The following NALF1 variants were observed in gnomAD, a reference collection of about 807,000 sequenced individuals.
NALF1 encodes NALCN channel auxiliary factor 1.
In NALF1, 3 loss-of-function variants were observed where a neutral mutation model predicts 48.4. The observed-to-expected ratio is 0.06, with a 90% CI of 0.03 to 0.16. The LOEUF (loss-of-function observed/expected upper bound fraction) is 0.16. NALF1 is among the 10% of genes least tolerant of loss of function. NALF1 has a pLI of 1.00. For synonymous variants in NALF1, 262 were observed against 245.7 expected (o/e 1.07, Z -0.62); for missense variants, 526 against 571.5 (o/e 0.92, Z 0.81).
chr13:107,239,407 G>A (rs879516214), intron 1 of NALF1, among the ~76,000 whole-genome samples: 7 of 152,086 alleles, frequency 4.6e-5, no homozygotes, highest in Admixed American at 3.9e-4. Context: ...TCTCCTATAC[G>A]TTTGTGTCCT....
intron 1 of NALF1, among the ~76,000 whole-genome samples, chr13:107,835,890 C>T (rs1879874325): frequency 6.6e-6 from 1 of 152,120 alleles, no homozygotes; most frequent in Non-Finnish European, 1.5e-5. Context: ...AATACATTCC[C>T]CACAGTCTAG....
chr13:107,859,518 T>G (rs970662401), intron 1 of NALF1, among the ~76,000 whole-genome samples: 1 of 152,184 alleles, frequency 6.6e-6, no homozygotes, highest in African/African-American at 2.4e-5. Context: ...ATTAAATATT[T>G]TCATGCATTC....
chr13:107,573,595 G>C (rs1011408596), intron 1 of NALF1, among the ~76,000 whole-genome samples: 1 of 152,130 alleles, frequency 6.6e-6, no homozygotes, highest in Non-Finnish European at 1.5e-5. Flanking sequence ...CTCAGAGAAG[G>C]TTTAGCTACT....
At chr13:107,863,200 A>G (rs1880624073) in intron 1 of NALF1, among the ~76,000 whole-genome samples, 1 of 152,122 alleles carries the variant, frequency 6.6e-6, no homozygotes, top group African/African-American at 2.4e-5. Flanking sequence ...TTTCATAGGC[A>G]TAAGTCCATC....
intron 1 of NALF1, among the ~76,000 whole-genome samples, chr13:107,737,775 C>T (rs541573894): frequency 6.6e-6 from 1 of 152,240 alleles, no homozygotes; most frequent in Admixed American, 6.5e-5. Context: ...TGAAAAATGA[C>T]CCATTGTATT....
chr13:107,403,284 C>A (rs1883844328), intron 1 of NALF1, among the ~76,000 whole-genome samples: 1 of 128,764 alleles, frequency 7.8e-6, no homozygotes, highest in Non-Finnish European at 1.6e-5. Flanking sequence ...ACTCAAAATA[C>A]AATTTCTAGT....
chr13:107,708,473 T>A (rs1307391292), intron 1 of NALF1, among the ~76,000 whole-genome samples: 2 of 150,068 alleles, frequency 1.3e-5, no homozygotes, highest in African/African-American at 4.9e-5. Flanking sequence ...ATCTTAAATA[T>A]CTGGGGTAGG....
At chr13:107,433,112 A>T (rs1884409761) in intron 1 of NALF1, among the ~76,000 whole-genome samples, 1 of 152,208 alleles carries the variant, frequency 6.6e-6, no homozygotes, top group Admixed American at 6.5e-5. Flanking sequence ...TTTTGTCACA[A>T]CTAGACTACC....
chr13:107,675,930 G>A (rs531109488), intron 1 of NALF1, among the ~76,000 whole-genome samples: 151 of 152,170 alleles, frequency 9.9e-4, no homozygotes, highest in Non-Finnish European at 3.1e-4. Context: ...TCAGAGTGAG[G>A]AGCCACTTGC....
intron 1 of NALF1, among the ~76,000 whole-genome samples, chr13:107,455,690 G>A (rs1884812638): frequency 6.6e-6 from 1 of 152,068 alleles, no homozygotes; most frequent in South Asian, 2.1e-4. Flanking sequence ...TTCTCCACCT[G>A]TTTATCCTCC....
chr13:107,530,114 C>A (rs777033502), intron 1 of NALF1, among the ~76,000 whole-genome samples: 27 of 152,030 alleles, frequency 1.8e-4, no homozygotes, highest in Non-Finnish European at 3.1e-4. Flanking sequence ...CCCACCTGGG[C>A]ACCTTTACCT....
At chr13:107,449,621 A>G (rs1439440622) in intron 1 of NALF1, among the ~76,000 whole-genome samples, 7 of 152,166 alleles carry the variant, frequency 4.6e-5, no homozygotes, top group African/African-American at 1.7e-4. Context: ...TATTGTGAAG[A>G]TCTTGGGGAA....
chr13:107,209,644 G>A (rs925448226), intron 2 of NALF1, among the ~76,000 whole-genome samples: 3 of 152,204 alleles, frequency 2.0e-5, no homozygotes, highest in African/African-American at 7.2e-5. Context: ...AAATTCTCAT[G>A]TTGAGCATCT....
chr13:107,365,771 T>C (rs16952144), intron 1 of NALF1, among the ~76,000 whole-genome samples: 14,214 of 152,234 alleles, frequency 0.093, 855 homozygotes, highest in Admixed American at 0.14. Flanking sequence ...ACTAATTAAA[T>C]AGATCTTCTG....
chr13:107,773,741 A>AGG (rs150680195), intron 1 of NALF1, among the ~76,000 whole-genome samples: 1 of 91,276 alleles, frequency 1.1e-5, no homozygotes, highest in Non-Finnish European at 2.1e-5. Context: ...GGGTGGGGGG[A>AGG]GGGGGAGGGA....
At chr13:107,271,985 C>T (rs75707229) in intron 1 of NALF1, among the ~76,000 whole-genome samples, 6,403 of 151,218 alleles carry the variant, frequency 0.042, 459 homozygotes, top group East Asian at 0.38. Flanking sequence ...CACATTCAGG[C>T]GGGTCTCCAA....
chr13:107,616,858 C>T (rs956269060), intron 1 of NALF1, among the ~76,000 whole-genome samples: 4 of 152,142 alleles, frequency 2.6e-5, no homozygotes, highest in Non-Finnish European at 5.9e-5. Context: ...CTGGATGACA[C>T]TAAAACTAAA....
chr13:107,432,979 C>G (rs1884406963), intron 1 of NALF1, among the ~76,000 whole-genome samples: 1 of 152,154 alleles, frequency 6.6e-6, no homozygotes, highest in African/African-American at 2.4e-5. Flanking sequence ...TCCCTTAAAT[C>G]CACACCTTTT....
chr13:107,416,370 TCCTCTTCTA>T (rs1690048469), intron 1 of NALF1, among the ~76,000 whole-genome samples: 1 of 151,834 alleles, frequency 6.6e-6, no homozygotes, highest in African/African-American at 2.4e-5. Context: ...TTCTCCTGTG[TCCTCTTCTA>T]CCTCTTCCCT....
Sources: gnomAD v4.1 joint callset for allele counts (sites outside exome capture counted in the v4.1 genomes callset) on GRCh38, gnomAD v4.1.1 for gene constraint, MANE v1.5 for transcripts, NCBI Gene and HGNC (gene_info 2026-07-23, HGNC 2026-07-21) for gene names.